Variants in GABRA5 observed in about 807,000 individuals in gnomAD.
The protein encoded by GABRA5 is gamma-aminobutyric acid type A receptor subunit alpha5, also known as gamma-aminobutyric acid receptor subunit alpha-5.
A neutral mutation model predicts 47.3 loss-of-function variants in GABRA5; 18 were observed. The ratio of observed to expected loss-of-function variants is 0.38; its 90% CI spans 0.26 to 0.56. The LOEUF is 0.56. Among genes scored for constraint, GABRA5 ranks in the 20% least tolerant of loss-of-function variants. The pLI, the probability that GABRA5 is intolerant of heterozygous loss-of-function variation, is 0.71. For synonymous variants in GABRA5, 237 were observed against 229.3 expected, an observed-to-expected ratio of 1.03 and a Z score of -0.30; for missense variants, 365 against 599.3, an observed-to-expected ratio of 0.61 and a Z score of 4.08.
At chr15:26,881,112 C>A (rs912637789) in intron 4 of GABRA5, 145 bp downstream of exon 4, 7 of 786,210 alleles carry the variant, frequency 8.9e-6, no homozygotes, top group Non-Finnish European at 1.1e-5. Flanking sequence ...CCACTCTTGC[C>A]AAGAATCATG....
At position 26,894,028 on chromosome 15, in the gene GABRA5, G is replaced by C. The variant is rs960991077; in HGVS notation, c.497+10471G>C. Among the ~76,000 whole-genome samples, 3 of 152,100 alleles carry C rather than the reference G, an allele frequency of 2.0e-5. No homozygotes were observed. In the East Asian group the frequency reaches 5.8e-4, roughly 30 times the overall value. On this transcript the variant is annotated intron_variant, in intron 6 of 10. Coordinates refer to ENST00000335625, the MANE Select transcript of GABRA5 (RefSeq NM_000810.4). ...GGAGTGTTAGGTCGAGGACTGGAGA[G>C]GGGAGGCAGTTCTCTCCGCGCGCCC...
intron 7 of GABRA5, among the ~76,000 whole-genome samples, chr15:26,922,659 T>C (rs974858139): frequency 3.4e-5 from 5 of 149,072 alleles, no homozygotes; most frequent in Non-Finnish European, 4.5e-5. Context: ...TCTGTCTTAC[T>C]GTGGACATTT....
chr15:26,947,996 C>T lies in GABRA5; in HGVS notation c.1152C>T (p.His384=), dbSNP rs920736068. 3.1e-5 allele frequency: 50 copies of T among 1,598,526 alleles called. No homozygotes were observed. Among genetic ancestry groups the T allele is most frequent in the Non-Finnish European group, 4.0e-5 (47 of 1,171,966 alleles). ...CTTTTACAACTGGGAAGATGTCTCACCCCCCAAACATTCCGAAGGAACAGA... is the reference window on the plus strand; with the variant it reads ...CTTTTACAACTGGGAAGATGTCTCATCCCCCAAACATTCCGAAGGAACAGA... The part of the protein sequence containing the change: ...TNAFTTGKMS[H]PPNIPKEQTP... The change falls in exon 11 of 11, where the codon CAC becomes CAT. Residue 384 remains histidine (H), a synonymous_variant. Coordinates refer to ENST00000335625, the MANE Select transcript of GABRA5 (RefSeq NM_000810.4).
intron 4 of GABRA5, among the ~76,000 whole-genome samples, chr15:26,881,304 C>T (rs1361195590): frequency 1.3e-5 from 2 of 152,078 alleles, no homozygotes; most frequent in African/African-American, 2.4e-5. Context: ...AGCTTTTAGG[C>T]GTTACTAAAG....
At position 26,869,941 on chromosome 15, in the gene GABRA5, C is replaced by T. The variant is rs1260133190; in HGVS notation, c.86+607C>T. Among the ~76,000 whole-genome samples the T allele has an allele frequency of 2.0e-5, 3 of 152,226 alleles. No individual in the cohort carries two copies. In the East Asian group the frequency reaches 5.8e-4, roughly 29 times the overall value. ...CCTCTTTCATTTTAGCCTTTAGTAT[C>T]CGCATACCAACTCTAACCTTTTTTT... is the stretch of plus-strand genomic sequence containing the variant. On this transcript the variant is annotated intron_variant, in intron 3 of 10. Transcript: ENST00000335625.
Position 26,894,704 on chromosome 15 carries a change from C to T in GABRA5, c.497+11147C>T, listed in dbSNP as rs149441384. Among the ~76,000 whole-genome samples, 534 of 152,152 alleles carry T rather than the reference C, an allele frequency of 3.5e-3. 4 individuals are homozygous for T. The highest frequency in any genetic ancestry group is 0.012 in the African/African-American group (507 of 41,506). ...GAATGATGTTATATGTAGCGCCTGG[C>T]GGTGTGCTGTGCGCTCACCGGAGGA... On this transcript the variant is annotated intron_variant, in intron 6 of 10. Transcript: ENST00000335625.
intron 3 of GABRA5, among the ~76,000 whole-genome samples, chr15:26,872,645 A>C (rs553603925): frequency 6.6e-6 from 1 of 152,256 alleles, no homozygotes; most frequent in African/African-American, 2.4e-5. Context: ...AAGGAGAAGC[A>C]TCAAAGGGTT....
At chr15:26,930,676 C>T (rs1894079551) in intron 7 of GABRA5, among the ~76,000 whole-genome samples, 1 of 152,076 alleles carries the variant, frequency 6.6e-6, no homozygotes, top group African/African-American at 2.4e-5. Flanking sequence ...CAACTCTCCT[C>T]TTTTCTTTCT....
intron 7 of GABRA5, among the ~76,000 whole-genome samples, chr15:26,925,338 T>G (rs958629350): frequency 6.6e-6 from 1 of 152,276 alleles, no homozygotes; most frequent in Middle Eastern, 3.4e-3. Flanking sequence ...GCCTCTATAT[T>G]TTTTATATTG....
chr15:26,883,273 C>G lies in GABRA5; in HGVS notation c.276+40C>G, dbSNP rs755307163. The G allele has an allele frequency of 1.2e-6, 2 of 1,611,176 alleles. No individual in the cohort carries two copies. Among genetic ancestry groups the G allele is most frequent in the Admixed American group, 3.3e-5 (2 of 60,024 alleles). ...ATGGCTGGGCAGACAATTCTTACTC[C>G]GCGCCGCAGGCCCCCGCCCAGGCCC... On this transcript the variant is annotated intron_variant, in intron 5 of 10. Transcript: ENST00000335625. The surrounding 1 kb of genome is among the most constrained non-coding windows in gnomAD (Gnocchi z 4.8).
chr15:26,932,479 G>A (rs1220556952), intron 7 of GABRA5, among the ~76,000 whole-genome samples: 1 of 152,222 alleles, frequency 6.6e-6, no homozygotes, highest in Non-Finnish European at 1.5e-5. Flanking sequence ...ATGCTGGTGA[G>A]ACTGTGGAGA....
chr15:26,901,380 G>T (rs956446938), intron 6 of GABRA5, among the ~76,000 whole-genome samples: 2 of 152,104 alleles, frequency 1.3e-5, no homozygotes, highest in African/African-American at 2.4e-5. Flanking sequence ...ATATCTCAAT[G>T]TTGCTTTAAT....
At chr15:26,907,655 C>A (rs560616638) in intron 6 of GABRA5, among the ~76,000 whole-genome samples, 1 of 152,268 alleles carries the variant, frequency 6.6e-6, no homozygotes, top group African/African-American at 2.4e-5. Context: ...CCAGTACACA[C>A]GTCACAGTCA....
chr15:26,880,668 T>C (rs140792821), intron 3 of GABRA5, 178 bp from the exon 4 acceptor site: 52 of 526,200 alleles, frequency 9.9e-5, no homozygotes, highest in African/African-American at 8.9e-4. Context: ...TATCCTTGGA[T>C]GTTGGAGAAC....
At chr15:26,913,287 G>A (rs766341888) in intron 6 of GABRA5, among the ~76,000 whole-genome samples, 2 of 152,070 alleles carry the variant, frequency 1.3e-5, no homozygotes, top group Non-Finnish European at 2.9e-5. Flanking sequence ...TCCATCTTTG[G>A]GGAAACCTTC....
At chr15:26,901,622 T>C (rs1893329576) in intron 6 of GABRA5, among the ~76,000 whole-genome samples, 1 of 152,198 alleles carries the variant, frequency 6.6e-6, no homozygotes, top group African/African-American at 2.4e-5. Flanking sequence ...TTCATTCTTT[T>C]CACAGTGTCT....
chr15:26,931,692 A>G (rs1415859953), intron 7 of GABRA5, among the ~76,000 whole-genome samples: 1 of 152,226 alleles, frequency 6.6e-6, no homozygotes, highest in Non-Finnish European at 1.5e-5. Context: ...TTTGGAATTC[A>G]TAGATGGGAA....
intron 8 of GABRA5, 55 bp downstream of exon 8, chr15:26,937,383 G>T: frequency 6.6e-7 from 1 of 1,523,182 alleles, no homozygotes; most frequent in South Asian, 1.3e-5. Flanking sequence ...CCACACCCTT[G>T]GAGAGCTTGC....
At chr15:26,882,890 G>A (rs985614744) in intron 4 of GABRA5, among the ~76,000 whole-genome samples, 3 of 152,202 alleles carry the variant, frequency 2.0e-5, no homozygotes, top group Non-Finnish European at 4.4e-5. Context: ...GCCCCACGGC[G>A]AGGCCTCAGC....
Sources: allele counts gnomAD v4.1 joint callset (sites outside exome capture counted in the v4.1 genomes callset), GRCh38; gene constraint gnomAD v4.1.1; non-coding constraint Gnocchi (gnomAD v3.1); transcripts MANE v1.5; gene names NCBI Gene and HGNC (gene_info 2026-07-23, HGNC 2026-07-21).